PRKN: variants seen among roughly 807,000 people sequenced by gnomAD.
The protein encoded by PRKN is E3 ubiquitin-protein ligase parkin.
In PRKN, 56 loss-of-function variants were observed where a neutral mutation model predicts 59.5. The observed-to-expected ratio is 0.94, with a 90% CI of 0.76 to 1.18. The LOEUF (loss-of-function observed/expected upper bound fraction) is 1.18. Ranked by LOEUF, PRKN falls within the 50% of genes most tolerant of loss-of-function variation. PRKN has a pLI of 0.00. For missense variants in PRKN, 657 were observed against 596.4 expected (o/e 1.10, Z -1.06); for synonymous variants, 250 against 222.1 (o/e 1.13, Z -1.12).
At chr6:161,730,702 T>C (rs1458045969) in intron 7 of PRKN, among the ~76,000 whole-genome samples, 1 of 152,208 alleles carries the variant, frequency 6.6e-6, no homozygotes, top group Non-Finnish European at 1.5e-5. Context: ...TGTTGTATTC[T>C]TTCTGGTGTG....
At position 161,575,840 on chromosome 6, in the gene PRKN, T is replaced by A. The variant is rs1261127983; in HGVS notation, c.872-6424A>T. Among the ~76,000 whole-genome samples the A allele has an allele frequency of 1.3e-5, 2 of 152,224 alleles. No individual in the cohort carries two copies. Among genetic ancestry groups the A allele is most frequent in the Admixed American group, 6.5e-5 (1 of 15,280 alleles). On this transcript the variant is annotated intron_variant, in intron 7 of 11. Transcript: ENST00000366898. The surrounding 1 kb of genome is among the most constrained non-coding windows in gnomAD (Gnocchi z 4.6). ...CTTGACAATTACAGTGACCTTCTAT[T>A]TCCCCCCTAAGTACAACTTAGAAAA...
At chr6:162,353,149 C>T (rs957338003) in intron 2 of PRKN, among the ~76,000 whole-genome samples, 8 of 152,120 alleles carry the variant, frequency 5.3e-5, no homozygotes, top group African/African-American at 1.9e-4. Context: ...TCAACCTCAT[C>T]GTGTGGCAGG....
intron 5 of PRKN, among the ~76,000 whole-genome samples, chr6:161,993,694 T>C (rs992554935): frequency 2.6e-5 from 4 of 152,180 alleles, no homozygotes; most frequent in African/African-American, 9.7e-5. Flanking sequence ...TCTTGCTATA[T>C]TGGAACACCT....
At chr6:161,853,657 A>G (rs775725731) in intron 6 of PRKN, among the ~76,000 whole-genome samples, 17 of 152,222 alleles carry the variant, frequency 1.1e-4, no homozygotes, top group Non-Finnish European at 2.1e-4. Context: ...GAAAACTGAA[A>G]TGAATTCCTT....
intron 4 of PRKN, among the ~76,000 whole-genome samples, chr6:162,140,654 AG>A (rs1781737737): frequency 6.6e-6 from 1 of 152,176 alleles, no homozygotes. Flanking sequence ...CACATCTCAG[AG>A]GGTTGCCAAA....
chr6:162,416,675 T>A (rs1158210018), intron 2 of PRKN, among the ~76,000 whole-genome samples: 24 of 152,188 alleles, frequency 1.6e-4, no homozygotes, highest in Non-Finnish European at 2.9e-5. Context: ...ATATTTACTA[T>A]ATTCTCAAAT....
intron 1 of PRKN, among the ~76,000 whole-genome samples, chr6:162,577,822 G>C (rs1025570578): frequency 2.0e-5 from 3 of 152,110 alleles, no homozygotes; most frequent in Non-Finnish European, 4.4e-5. Flanking sequence ...CCAGCTACTT[G>C]AGAAGCTCAG....
Position 161,348,988 on chromosome 6 carries a change from G to T in PRKN, c.*1111C>A, listed in dbSNP as rs543171826. The T allele has an allele frequency of 3.4e-5, 7 of 204,920 alleles. No individual in the cohort carries two copies. In the South Asian group the frequency reaches 1.1e-3, roughly 33 times the overall value. The allele number at this position is 204,920 out of a possible 1,614,324, so 12.7% of individuals were successfully genotyped here. A position where few individuals can be genotyped will look rare whatever the true frequency, so the allele number is the denominator to read the frequency against. On this transcript the variant is annotated 3_prime_UTR_variant, in exon 12 of 12. Coordinates refer to ENST00000366898, the MANE Select transcript of PRKN (RefSeq NM_004562.3). The surrounding 1 kb of genome is among the most constrained non-coding windows in gnomAD (Gnocchi z 4.9). ...TGTCCTAAGAGAAGGTCTCTCCTGGGGAACCCCTGGTATGCAGAGCTCCCT... is the reference window on the plus strand; with the variant it reads ...TGTCCTAAGAGAAGGTCTCTCCTGGTGAACCCCTGGTATGCAGAGCTCCCT...
intron 1 of PRKN, among the ~76,000 whole-genome samples, chr6:162,529,272 T>C (rs985591747): frequency 3.5e-5 from 5 of 144,826 alleles, no homozygotes; most frequent in African/African-American, 1.2e-4. Flanking sequence ...TAAAAATACT[T>C]CATTCAATAG....
intron 2 of PRKN, among the ~76,000 whole-genome samples, chr6:162,299,161 G>C (rs1781826428): frequency 6.6e-6 from 1 of 152,224 alleles, no homozygotes; most frequent in Non-Finnish European, 1.5e-5. Context: ...AACCTTAACA[G>C]CGAAGACGCA....
At chr6:161,654,950 AG>A (rs1562586544) in intron 7 of PRKN, among the ~76,000 whole-genome samples, 1 of 152,214 alleles carries the variant, frequency 6.6e-6, no homozygotes, top group Non-Finnish European at 1.5e-5. Context: ...TCAGCTCCAA[AG>A]GAACAAGGGT....
At chr6:161,783,159 A>G (rs530021366) in intron 7 of PRKN, among the ~76,000 whole-genome samples, 84 of 152,310 alleles carry the variant, frequency 5.5e-4, no homozygotes, top group Non-Finnish European at 9.9e-4. Flanking sequence ...TCAGTAACAG[A>G]ATTTTTGCCA....
chr6:162,459,344 A>C (rs1388285618), intron 1 of PRKN, among the ~76,000 whole-genome samples: 1 of 152,164 alleles, frequency 6.6e-6, no homozygotes, highest in Non-Finnish European at 1.5e-5. Context: ...ACATGATGGT[A>C]CTAATATTAG....
Position 162,727,321 on chromosome 6 carries a change from G to GGGGCGGCGGCGGGGCGAAGGTGAA in PRKN, c.7+340_7+341insTTCACCTTCGCCCCGCCGCCGCCC. ...AGGGGCGGCGGCGGGGCGAAGGTGA[G>GGGGCGGCGGCGGGGCGAAGGTGAA]GGGCGGCGGCGGGGAGAAGGCTTCG... On this transcript the variant is annotated intron_variant, in intron 1 of 11. Coordinates refer to ENST00000366898, the MANE Select transcript of PRKN (RefSeq NM_004562.3). 3.7e-5 allele frequency: 14 copies of GGGGCGGCGGCGGGGCGAAGGTGAA among 380,910 alleles called. No individual in the cohort carries two copies. The South Asian group carries it at 5.3e-4, about 14-fold the overall frequency. 23.6% of individuals were successfully genotyped at this position (380,910 alleles called of 1,614,324 possible). A position where few individuals can be genotyped will look rare whatever the true frequency, so the allele number is the denominator to read the frequency against.
intron 4 of PRKN, among the ~76,000 whole-genome samples, chr6:162,193,460 G>A (rs897170695): frequency 6.6e-6 from 1 of 152,030 alleles, no homozygotes; most frequent in Admixed American, 6.6e-5. Context: ...GTCCACCTTC[G>A]GCTATCACTC....
At position 162,183,285 on chromosome 6, in the gene PRKN, A is replaced by G. The variant is rs116661479; in HGVS notation, c.534+17846T>C. Among the ~76,000 whole-genome samples, 877 of 152,250 alleles carry G rather than the reference A, an allele frequency of 5.8e-3. 12 individuals are homozygous for G. Among genetic ancestry groups the G allele is most frequent in the African/African-American group, 0.02 (843 of 41,538 alleles). On this transcript the variant is annotated intron_variant, in intron 4 of 11. Coordinates refer to ENST00000366898, the MANE Select transcript of PRKN (RefSeq NM_004562.3). ...CTAAGGAGACATGTAAGGCATTGGGAGTTCTTCTGCTGCAGAACCCAGGCT... is the reference window on the plus strand; with the variant it reads ...CTAAGGAGACATGTAAGGCATTGGGGGTTCTTCTGCTGCAGAACCCAGGCT...
intron 1 of PRKN, among the ~76,000 whole-genome samples, chr6:162,706,548 C>T (rs753362019): frequency 1.2e-4 from 19 of 152,150 alleles, no homozygotes; most frequent in Non-Finnish European, 2.2e-4. Context: ...AAAGGCTGGG[C>T]GGCCATGTCG....
At chr6:162,447,963 G>A (rs1190069209) in intron 1 of PRKN, among the ~76,000 whole-genome samples, 1 of 152,150 alleles carries the variant, frequency 6.6e-6, no homozygotes, top group Non-Finnish European at 1.5e-5. Context: ...ACTGTCAAAG[G>A]TTCGGTGAAG....
intron 3 of PRKN, among the ~76,000 whole-genome samples, chr6:162,208,382 C>A (rs1211895990): frequency 2.6e-5 from 4 of 152,112 alleles, no homozygotes; most frequent in Non-Finnish European, 2.9e-5. Context: ...TCTAAGGAGA[C>A]TCTACACTTA....
Sources: gnomAD v4.1 joint callset for allele counts (sites outside exome capture counted in the v4.1 genomes callset) on GRCh38, gnomAD v4.1.1 for gene constraint, Gnocchi (gnomAD v3.1) non-coding constraint, MANE v1.5 for transcripts, NCBI Gene and HGNC (gene_info 2026-07-23, HGNC 2026-07-21) for gene names.